CDIN1: variants seen among roughly 807,000 people sequenced by gnomAD.
CDIN1 encodes CDAN1 interacting nuclease 1.
A neutral mutation model predicts 45.3 loss-of-function variants in CDIN1; 33 were observed. The ratio of observed to expected loss-of-function variants is 0.73; its 90% confidence interval spans 0.55 to 0.97. The LOEUF (loss-of-function observed/expected upper bound fraction) is 0.97. CDIN1 is among the 50% of genes least tolerant of loss of function. The pLI is 0.00. For synonymous variants in CDIN1, 118 were observed against 124.4 expected (o/e 0.95, Z 0.34); for missense variants, 303 against 339.4 (o/e 0.89, Z 0.84).
chr15:36,780,979 C>A (rs553067408), intron 10 of CDIN1, among the ~76,000 whole-genome samples: 146 of 152,210 alleles, frequency 9.6e-4, no homozygotes, highest in Non-Finnish European at 1.9e-3. Context: ...TTTTGCATAC[C>A]GTTTCAAAAG....
At chr15:36,636,744 G>A (rs1391461021) in intron 1 of CDIN1, among the ~76,000 whole-genome samples, 2 of 152,146 alleles carry the variant, frequency 1.3e-5, no homozygotes, top group African/African-American at 2.4e-5. Flanking sequence ...TACATTCCAG[G>A]AAGGGGACCT....
At chr15:36,697,448 T>A in intron 8 of CDIN1, 58 bp downstream of exon 8, 2 of 1,357,096 alleles carry the variant, frequency 1.5e-6, no homozygotes, top group Non-Finnish European at 2.0e-6. Context: ...CTTAAATATA[T>A]ATTTTAAAAA....
chr15:36,613,588 G>A, intron 1 of CDIN1: 1 of 1,474,202 alleles, frequency 6.8e-7, no homozygotes, highest in East Asian at 2.3e-5. Context: ...AGGGAGAAAG[G>A]CGGGCCCGGG....
intron 1 of CDIN1, among the ~76,000 whole-genome samples, chr15:36,581,566 C>T (rs1013240689): frequency 3.3e-5 from 5 of 152,178 alleles, no homozygotes; most frequent in African/African-American, 9.7e-5. Flanking sequence ...ACTACTAATC[C>T]GCAAAAGAAG....
chr15:36,645,011 C>G (rs2040253269), intron 2 of CDIN1, among the ~76,000 whole-genome samples: 1 of 152,134 alleles, frequency 6.6e-6, no homozygotes, highest in African/African-American at 2.4e-5. Flanking sequence ...GTGGTACAGT[C>G]TGAAGACATC....
At chr15:36,770,438 G>T (rs1366337143) in intron 10 of CDIN1, among the ~76,000 whole-genome samples, 1 of 151,418 alleles carries the variant, frequency 6.6e-6, no homozygotes, top group Non-Finnish European at 1.5e-5. Flanking sequence ...TGATGATGAT[G>T]ATGATTATTA....
intron 1 of CDIN1, among the ~76,000 whole-genome samples, chr15:36,607,109 G>A (rs889351091): frequency 6.6e-6 from 1 of 152,166 alleles, no homozygotes; most frequent in African/African-American, 2.4e-5. Flanking sequence ...AAAATTTTAA[G>A]TGTCACTGGA....
At chr15:36,744,558 A>T (rs2044352801) in intron 10 of CDIN1, among the ~76,000 whole-genome samples, 1 of 152,214 alleles carries the variant, frequency 6.6e-6, no homozygotes, top group Non-Finnish European at 1.5e-5. Context: ...ATCCTTAGGG[A>T]TCTCATACTG....
chr15:36,647,570 G>T (rs1379003613), intron 3 of CDIN1: 1 of 152,172 alleles, frequency 6.6e-6, no homozygotes, highest in Non-Finnish European at 1.5e-5. Flanking sequence ...TGCACTTAGG[G>T]ACAGGCCATG....
intron 1 of CDIN1, among the ~76,000 whole-genome samples, chr15:36,595,123 T>C (rs1318861326): frequency 6.6e-6 from 1 of 151,804 alleles, no homozygotes; most frequent in Non-Finnish European, 1.5e-5. Context: ...TGAACTTTTG[T>C]CATCTAACTT....
At chr15:36,623,750 T>C (rs1216244040) in intron 1 of CDIN1, among the ~76,000 whole-genome samples, 1 of 152,236 alleles carries the variant, frequency 6.6e-6, no homozygotes, top group Non-Finnish European at 1.5e-5. Flanking sequence ...GTAAATTTTG[T>C]TTTTTGTTGT....
intron 10 of CDIN1, among the ~76,000 whole-genome samples, chr15:36,762,467 ATGTTG>A (rs2053792179): frequency 6.6e-6 from 1 of 150,420 alleles, no homozygotes; most frequent in African/African-American, 2.5e-5. Context: ...TCTGCCCCAT[ATGTTG>A]TTTTGTTTTG....
intron 10 of CDIN1, among the ~76,000 whole-genome samples, chr15:36,791,601 G>A (rs1315942551): frequency 2.0e-5 from 3 of 151,692 alleles, no homozygotes; most frequent in Non-Finnish European, 4.4e-5. Context: ...CCTAGTTATT[G>A]TTTATGGAAG....
chr15:36,587,198 TTTTTTTTC>T (rs1197632267), intron 1 of CDIN1, among the ~76,000 whole-genome samples: 1 of 142,426 alleles, frequency 7.0e-6, no homozygotes. Context: ...TTGAAGCATG[TTTTTTTTC>T]TTTTTTTCTA....
intron 1 of CDIN1, among the ~76,000 whole-genome samples, chr15:36,637,560 A>G (rs994581423): frequency 6.6e-6 from 1 of 152,200 alleles, no homozygotes; most frequent in Non-Finnish European, 1.5e-5. Flanking sequence ...ATTGTTTGAC[A>G]GTATCTGCTG....
chr15:36,704,669 T>G (rs2042797153), intron 8 of CDIN1: 1 of 152,036 alleles, frequency 6.6e-6, no homozygotes, highest in African/African-American at 2.4e-5. Context: ...CTCCCCCAAT[T>G]TAGTAAAGAT....
At chr15:36,704,195 T>C (rs1027633652) in intron 8 of CDIN1, 2 of 152,096 alleles carry the variant, frequency 1.3e-5, no homozygotes, top group Non-Finnish European at 1.5e-5. Context: ...CTCCCCTTTT[T>C]TTTCTATAAG....
At chr15:36,631,223 A>G (rs2039664776) in intron 1 of CDIN1, among the ~76,000 whole-genome samples, 1 of 152,244 alleles carries the variant, frequency 6.6e-6, no homozygotes, top group Admixed American at 6.5e-5. Context: ...AAAGAAGTTC[A>G]TAATTTTGAT....
At chr15:36,727,342 A>G (rs1329424194) in intron 10 of CDIN1, among the ~76,000 whole-genome samples, 1 of 151,324 alleles carries the variant, frequency 6.6e-6, no homozygotes, top group Admixed American at 6.6e-5. Context: ...TTTTCTTAAA[A>G]AAAAAAAAAA....
Sources: allele counts gnomAD v4.1 joint callset (sites outside exome capture counted in the v4.1 genomes callset), GRCh38; gene constraint gnomAD v4.1.1; transcripts MANE v1.5; gene names NCBI Gene and HGNC (gene_info 2026-07-23, HGNC 2026-07-21).